The following NCKAP5 variants were observed in gnomAD, a reference collection of about 807,000 sequenced individuals.
NCKAP5 encodes the protein NCK associated protein 5.
In NCKAP5, 92 loss-of-function variants were observed where a neutral mutation model predicts 167.0. The observed-to-expected ratio is 0.55, with a 90% CI of 0.47 to 0.66. The LOEUF (loss-of-function observed/expected upper bound fraction) is 0.66, where lower values mean the gene tolerates loss of function less well. Ranked by LOEUF, NCKAP5 falls within the 30% of genes least tolerant of loss-of-function variation. The pLI is 0.00. For missense variants in NCKAP5, 2,378 were observed against 2,315.0 expected (o/e 1.03, Z -0.56); for synonymous variants, 891 against 877.4 (o/e 1.02, Z -0.27).
chr2:133,553,132 C>T (rs1373009649), intron 2 of NCKAP5, among the ~76,000 whole-genome samples: 2 of 152,022 alleles, frequency 1.3e-5, no homozygotes, highest in Admixed American at 6.6e-5. Context: ...AAAAAGTAAA[C>T]GGGCAGGATA....
intron 16 of NCKAP5, among the ~76,000 whole-genome samples, chr2:132,738,768 G>A (rs1691756490): frequency 6.6e-6 from 1 of 151,948 alleles, no homozygotes; most frequent in Non-Finnish European, 1.5e-5. Context: ...CATAATGGAA[G>A]GCAAGGGGGG....
chr2:133,019,229 A>T (rs1573759499), intron 6 of NCKAP5, among the ~76,000 whole-genome samples: 2 of 152,206 alleles, frequency 1.3e-5, no homozygotes, highest in East Asian at 3.8e-4. Flanking sequence ...GATAGGAGGC[A>T]CTCAATACGT....
intron 8 of NCKAP5, among the ~76,000 whole-genome samples, chr2:132,884,884 G>T (rs774235016): frequency 1.3e-5 from 2 of 152,152 alleles, no homozygotes; most frequent in Non-Finnish European, 2.9e-5. Context: ...CACTGCAATC[G>T]ATCCATTCAG....
chr2:132,996,975 T>C (rs988617871), intron 6 of NCKAP5, among the ~76,000 whole-genome samples: 3 of 152,204 alleles, frequency 2.0e-5, no homozygotes, highest in Non-Finnish European at 4.4e-5. Context: ...TCTTGAAGCA[T>C]GTATTTGAGT....
chr2:132,843,703 T>G (rs892658910), intron 11 of NCKAP5, among the ~76,000 whole-genome samples: 10 of 152,130 alleles, frequency 6.6e-5, no homozygotes, highest in South Asian at 2.1e-4. Flanking sequence ...TAGTGTCAAG[T>G]TGGTATACTT....
At chr2:133,536,841 T>G (rs1685803011) in intron 2 of NCKAP5, among the ~76,000 whole-genome samples, 2 of 152,040 alleles carry the variant, frequency 1.3e-5, no homozygotes, top group Admixed American at 1.3e-4. Context: ...GTTTTTTTAT[T>G]GTTGCTTATG....
intron 3 of NCKAP5, among the ~76,000 whole-genome samples, chr2:133,403,352 T>C (rs143522295): frequency 9.6e-4 from 147 of 152,368 alleles, no homozygotes; most frequent in African/African-American, 3.4e-3. Flanking sequence ...AAATTTACTT[T>C]AGCCAGCACC....
intron 5 of NCKAP5, among the ~76,000 whole-genome samples, chr2:133,131,385 A>C (rs1197103860): frequency 6.6e-6 from 1 of 152,086 alleles, no homozygotes; most frequent in Non-Finnish European, 1.5e-5. Context: ...GAATTCCAAC[A>C]TCACCTACCA....
chr2:133,138,158 A>G (rs1348104655), intron 5 of NCKAP5, among the ~76,000 whole-genome samples: 1 of 152,144 alleles, frequency 6.6e-6, no homozygotes, highest in Non-Finnish European at 1.5e-5. Context: ...GGCAAAAAGG[A>G]AAAAAAGGAG....
intron 18 of NCKAP5, among the ~76,000 whole-genome samples, chr2:132,727,217 T>G (rs1039748463): frequency 2.0e-5 from 3 of 152,046 alleles, no homozygotes; most frequent in African/African-American, 4.8e-5. Flanking sequence ...AAGAGTAACT[T>G]TTTTTTTCCT....
intron 6 of NCKAP5, among the ~76,000 whole-genome samples, chr2:133,081,329 A>G (rs908001228): frequency 6.6e-6 from 1 of 152,322 alleles, no homozygotes; most frequent in South Asian, 2.1e-4. Context: ...GTGAAAGATT[A>G]GGAAGACTAG....
At chr2:133,008,188 T>A (rs1215306591) in intron 6 of NCKAP5, among the ~76,000 whole-genome samples, 2 of 152,118 alleles carry the variant, frequency 1.3e-5, no homozygotes, top group Non-Finnish European at 2.9e-5. Context: ...TGGGTGTTAC[T>A]TTTTTCCTCC....
chr2:133,005,316 AATGT>A (rs2077926440), intron 6 of NCKAP5, among the ~76,000 whole-genome samples: 1 of 152,170 alleles, frequency 6.6e-6, no homozygotes, highest in African/African-American at 2.4e-5. Context: ...GGAACTGATA[AATGT>A]TCATGAAATC....
At chr2:132,964,589 T>C (rs140225532) in intron 7 of NCKAP5, among the ~76,000 whole-genome samples, 1 of 152,036 alleles carries the variant, frequency 6.6e-6, no homozygotes, top group Non-Finnish European at 1.5e-5. Flanking sequence ...AAAAGAAGTA[T>C]CAAGAGATTA....
rs112685901 is a variant in NCKAP5 at position 132,988,484 on chromosome 2, G to C, written c.429+5668C>G. On this transcript the variant is annotated intron_variant, in intron 7 of 19. Coordinates refer to ENST00000409261, the MANE Select transcript of NCKAP5 (RefSeq NM_207363.3). ...TCAAAAAAAAAAAAAAAAAAAAAAA[G>C]CCATCACTTACAGACTAAGAGATTT... is the stretch of plus-strand genomic sequence containing the variant. Among the ~76,000 whole-genome samples the C allele has an allele frequency of 8.0e-3, 988 of 123,456 alleles. 15 individuals carry two copies. Among genetic ancestry groups the C allele is most frequent in the African/African-American group, 0.03 (929 of 31,220 alleles). 81.0% of individuals were successfully genotyped at this position (123,456 alleles called of 152,430 possible).
intron 3 of NCKAP5, among the ~76,000 whole-genome samples, chr2:133,330,442 A>C (rs1032017173): frequency 2.0e-5 from 3 of 151,148 alleles, no homozygotes; most frequent in Admixed American, 6.6e-5. Context: ...TTTTTATTTA[A>C]AAAAAGGACA....
chr2:133,109,261 C>CATCA (rs1251198379), intron 6 of NCKAP5, among the ~76,000 whole-genome samples: 1 of 152,208 alleles, frequency 6.6e-6, no homozygotes, highest in Admixed American at 6.5e-5. Flanking sequence ...TTTGAACTCA[C>CATCA]ATCAGGTGAT....
At chr2:132,913,433 T>C (rs1370179466) in intron 8 of NCKAP5, among the ~76,000 whole-genome samples, 1 of 151,986 alleles carries the variant, frequency 6.6e-6, no homozygotes, top group Non-Finnish European at 1.5e-5. Flanking sequence ...TGCCCTCATA[T>C]GTAGACTAGA....
intron 3 of NCKAP5, among the ~76,000 whole-genome samples, chr2:133,393,807 C>A (rs1353181871): frequency 6.6e-6 from 1 of 152,186 alleles, no homozygotes; most frequent in Non-Finnish European, 1.5e-5. Context: ...CTACTAACAA[C>A]CTTGGTGCCA....
Sources: gnomAD v4.1 joint callset for allele counts (sites outside exome capture counted in the v4.1 genomes callset) on GRCh38, gnomAD v4.1.1 for gene constraint, MANE v1.5 for transcripts, NCBI Gene and HGNC (gene_info 2026-07-23, HGNC 2026-07-21) for gene names.